The following FRMPD4 variants were observed in gnomAD, a reference collection of about 807,000 sequenced individuals.
The protein encoded by FRMPD4 is FERM and PDZ domain containing 4.
FRMPD4 carries 22 observed loss-of-function variants against 94.1 expected under a neutral mutation model. That is an observed-to-expected ratio of 0.23 (90% CI 0.17 to 0.33). FRMPD4 has a LOEUF of 0.33. Among genes scored for constraint, FRMPD4 ranks in the 10% least tolerant of loss-of-function variants. The pLI, the probability that FRMPD4 is intolerant of heterozygous loss-of-function variation, is 1.00. For synonymous variants in FRMPD4, 631 were observed against 548.6 expected (o/e 1.15, Z -2.10); for missense variants, 1,111 against 1,339.9 (o/e 0.83, Z 2.67).
rs1051592284 is a variant in FRMPD4, at chrX:12,215,028, C to A, written c.41+76016C>A. The stretch of plus-strand genomic sequence containing the variant: ...ATGTGTGCGTGTATATATGCGTGTA[C>A]CTTATACCAGAAGGGAAATACTATA... On this transcript the variant is annotated intron_variant, in intron 1 of 16. Transcript: ENST00000675598. Among the ~76,000 whole-genome samples the A allele has an allele frequency of 1.2e-4, 13 of 110,821 alleles. No homozygotes were observed. In the East Asian group the frequency reaches 3.7e-3, roughly 31 times the overall value.
intron 2 of FRMPD4, among the ~76,000 whole-genome samples, chrX:12,543,432 T>C (rs1296257011): frequency 8.9e-5 from 10 of 112,096 alleles, no homozygotes; most frequent in South Asian, 3.7e-4. Context: ...GGGCGAAGGA[T>C]ATGAACAGAC....
chrX:11,985,158 A>T (rs939382211), intron 3 of FRMPD4, among the ~76,000 whole-genome samples: 2 of 111,624 alleles, frequency 1.8e-5, no homozygotes, highest in African/African-American at 6.5e-5. Flanking sequence ...AAATCAAGAG[A>T]GGAGAGTCAA....
intron 2 of FRMPD4, among the ~76,000 whole-genome samples, chrX:12,571,024 A>C (rs1423073965): frequency 8.9e-6 from 1 of 112,653 alleles, no homozygotes; most frequent in African/African-American, 3.2e-5. Flanking sequence ...GATTACCATA[A>C]ATAAAAATAA....
intron 3 of FRMPD4, among the ~76,000 whole-genome samples, chrX:11,951,694 C>T (rs1438077057): frequency 2.7e-5 from 3 of 111,908 alleles, no homozygotes; most frequent in African/African-American, 9.8e-5. Context: ...ACCCCCATGA[C>T]ACAAGTTTAC....
At chrX:11,838,537 C>T (rs955583270) in intron 1 of FRMPD4, among the ~76,000 whole-genome samples, 7 of 110,921 alleles carry the variant, frequency 6.3e-5, no homozygotes, top group Non-Finnish European at 9.5e-5. Context: ...TTTTAGTGAA[C>T]GTATAGAGTT....
chrX:12,125,011 G>A (rs145015938), intron 3 of FRMPD4, among the ~76,000 whole-genome samples: 18 of 112,143 alleles, frequency 1.6e-4, no homozygotes, highest in Middle Eastern at 4.6e-3. Flanking sequence ...CCTCGTTTCC[G>A]TTGAGATACA....
At position 12,364,194 on chromosome X, in the gene FRMPD4, G is replaced by T. The variant is rs1425117338; in HGVS notation, c.42-134486G>T. On this transcript the variant is annotated intron_variant, in intron 1 of 16. Coordinates refer to ENST00000675598, the MANE Select transcript of FRMPD4 (RefSeq NM_001368397.1). ...ATAGTGTATTCATAAAAAGTGTGAG[G>T]TATAGTAAGGCCAACAGATCAGGAG... Among the ~76,000 whole-genome samples, 5 of 111,141 alleles carry T rather than the reference G, an allele frequency of 4.5e-5. No individual in the cohort carries two copies. In the Admixed American group the frequency reaches 4.8e-4, roughly 11 times the overall value.
chrX:12,412,410 C>G (rs778302523), intron 1 of FRMPD4, among the ~76,000 whole-genome samples: 2 of 112,193 alleles, frequency 1.8e-5, no homozygotes, highest in South Asian at 7.4e-4. Context: ...CCCTTGGTAG[C>G]CAATGAGGAA....
intron 1 of FRMPD4, among the ~76,000 whole-genome samples, chrX:12,387,807 C>T (rs1034743864): frequency 2.8e-5 from 3 of 107,851 alleles, no homozygotes; most frequent in African/African-American, 1.0e-4. Flanking sequence ...CTTCTCTCCC[C>T]TTCCATTCTT....
intron 1 of FRMPD4, among the ~76,000 whole-genome samples, chrX:11,829,520 C>T (rs1045445445): frequency 8.9e-6 from 1 of 112,057 alleles, no homozygotes; most frequent in Non-Finnish European, 1.9e-5. Flanking sequence ...TCATGATATA[C>T]ACCCATGTAA....
rs200759300 is a variant in FRMPD4 at position 12,357,357 on chromosome X, A to G, written c.42-141323A>G. 8.0e-5 allele frequency among the ~76,000 whole-genome samples: 9 copies of G among 112,245 alleles called. No individual in the cohort carries two copies. The East Asian group carries it at 1.4e-3, about 17-fold the overall frequency. On this transcript the variant is annotated intron_variant, in intron 1 of 16. Coordinates refer to ENST00000675598, the MANE Select transcript of FRMPD4 (RefSeq NM_001368397.1). ...TGTGCCAGGCCTTGCTAAGAACTCT[A>G]TATTTAGTGACTCATTTAATCCTCA...
At chrX:11,977,822 A>C (rs1341780272) in intron 3 of FRMPD4, among the ~76,000 whole-genome samples, 1 of 111,540 alleles carries the variant, frequency 9.0e-6, no homozygotes, top group Non-Finnish European at 1.9e-5. Flanking sequence ...GTAGAAAGGA[A>C]ATGTCTGGGT....
At chrX:12,469,936 A>G (rs2057491367) in intron 1 of FRMPD4, among the ~76,000 whole-genome samples, 1 of 112,175 alleles carries the variant, frequency 8.9e-6, no homozygotes. Flanking sequence ...GCCCCTGGAG[A>G]CAAAAACTAT....
intron 3 of FRMPD4, among the ~76,000 whole-genome samples, chrX:12,068,498 G>A (rs1220186363): frequency 8.9e-6 from 1 of 111,917 alleles, no homozygotes; most frequent in African/African-American, 3.2e-5. Context: ...GGGGAACACA[G>A]CAGATCTATT....
chrX:12,200,469 G>T (rs893962638), intron 1 of FRMPD4, among the ~76,000 whole-genome samples: 1 of 111,330 alleles, frequency 9.0e-6, no homozygotes, highest in African/African-American at 3.3e-5. Context: ...AAAGAGCTAT[G>T]TCATGTATTT....
intron 2 of FRMPD4, among the ~76,000 whole-genome samples, chrX:12,591,966 G>A (rs779073199): frequency 2.7e-5 from 3 of 111,396 alleles, no homozygotes; most frequent in South Asian, 3.9e-4. Context: ...TTTCTGTCCC[G>A]AAGAGAGTCA....
At chrX:12,217,434 G>A (rs1439961548) in intron 1 of FRMPD4, among the ~76,000 whole-genome samples, 4 of 111,900 alleles carry the variant, frequency 3.6e-5, no homozygotes, top group Non-Finnish European at 7.5e-5. Context: ...GCAGTGGGCA[G>A]CGCGTCAGTC....
intron 1 of FRMPD4, among the ~76,000 whole-genome samples, chrX:12,143,715 T>A (rs1416468312): frequency 1.8e-5 from 2 of 112,226 alleles, no homozygotes; most frequent in Non-Finnish European, 3.8e-5. Flanking sequence ...TCAGCACACA[T>A]GCGGGCACAC....
intron 1 of FRMPD4, among the ~76,000 whole-genome samples, chrX:12,203,596 C>T (rs1356052517): frequency 8.9e-6 from 1 of 112,053 alleles, no homozygotes; most frequent in Non-Finnish European, 1.9e-5. Flanking sequence ...CCTAGTGATA[C>T]TGGGGAGAGT....
Sources: allele counts gnomAD v4.1 joint callset (sites outside exome capture counted in the v4.1 genomes callset), GRCh38; gene constraint gnomAD v4.1.1; transcripts MANE v1.5; gene names NCBI Gene and HGNC (gene_info 2026-07-23, HGNC 2026-07-21).